Variants in FBXO11 observed in about 807,000 individuals in gnomAD.
FBXO11 encodes the protein F-box only protein 11.
FBXO11 carries 13 observed loss-of-function variants against 117.0 expected under a neutral mutation model. The ratio of observed to expected loss-of-function variants is 0.11; its 90% CI spans 0.07 to 0.18. The LOEUF is 0.18. Among genes scored for constraint, FBXO11 ranks in the 10% least tolerant of loss-of-function variants. FBXO11 has a pLI of 1.00. For synonymous variants in FBXO11, 490 were observed against 380.5 expected (o/e 1.29, Z -3.35); for missense variants, 767 against 1,164.4 (o/e 0.66, Z 4.97).
intron 17 of FBXO11, 45 bp from the exon 18 acceptor site, chr2:47,813,422 T>C (rs762141309): frequency 1.9e-6 from 2 of 1,056,944 alleles, no homozygotes; most frequent in Admixed American, 3.1e-5. Flanking sequence ...ATATTTCTTT[T>C]TAATTTTTTT....
intron 1 of FBXO11, among the ~76,000 whole-genome samples, chr2:47,872,908 C>T (rs960493641): frequency 6.6e-6 from 1 of 152,010 alleles, no homozygotes; most frequent in Non-Finnish European, 1.5e-5. Context: ...TTTAAAGGGA[C>T]ATTTAACATT....
intron 11 of FBXO11, among the ~76,000 whole-genome samples, chr2:47,825,596 T>TA (rs1290754665): frequency 3.4e-5 from 5 of 147,438 alleles, no homozygotes; most frequent in Admixed American, 6.8e-5. Context: ...TTTTTTTTTT[T>TA]AGAGACAGGC....
At chr2:47,836,898 C>A in intron 4 of FBXO11, 1 of 369,648 alleles carries the variant, frequency 2.7e-6, no homozygotes, top group Non-Finnish European at 5.2e-6. Flanking sequence ...ATCCTCTTGT[C>A]TTATTTTTTG....
At chr2:47,813,945 G>C in intron 16 of FBXO11, 78 bp from the exon 17 acceptor site, 1 of 1,084,226 alleles carries the variant, frequency 9.2e-7, no homozygotes, top group Non-Finnish European at 1.4e-6. Context: ...GTAAACAGTG[G>C]AGAAATCCAC....
At chr2:47,825,000 C>T (rs544044395) in intron 11 of FBXO11, among the ~76,000 whole-genome samples, 1 of 152,110 alleles carries the variant, frequency 6.6e-6, no homozygotes, top group South Asian at 2.1e-4. Context: ...CCATTTCTAC[C>T]CCACTGTAAG....
intron 1 of FBXO11, among the ~76,000 whole-genome samples, chr2:47,880,259 A>C (rs191029356): frequency 1.3e-5 from 2 of 152,310 alleles, no homozygotes; most frequent in African/African-American, 4.8e-5. Context: ...GGCCTCCCAG[A>C]GTGCCCTGAG....
intron 1 of FBXO11, among the ~76,000 whole-genome samples, chr2:47,874,197 G>A (rs146668359): frequency 2.6e-5 from 4 of 152,228 alleles, no homozygotes; most frequent in East Asian, 3.9e-4. Flanking sequence ...CCGGACGATA[G>A]TGCGAGACTG....
intron 1 of FBXO11, among the ~76,000 whole-genome samples, chr2:47,846,335 C>T (rs542814886): frequency 7.9e-5 from 12 of 152,230 alleles, no homozygotes; most frequent in Admixed American, 2.6e-4. Flanking sequence ...GGTTTGGTGG[C>T]GCATGCCTGT....
At chr2:47,834,916 A>G (rs1298371460) in intron 5 of FBXO11, 45 bp from the exon 6 acceptor site, 14 of 1,332,978 alleles carry the variant, frequency 1.1e-5, no homozygotes, top group Non-Finnish European at 1.5e-5. Flanking sequence ...ACTAACATAA[A>G]CCTTATATTT....
intron 1 of FBXO11, among the ~76,000 whole-genome samples, chr2:47,893,274 G>C (rs1018496646): frequency 6.6e-6 from 1 of 152,102 alleles, no homozygotes; most frequent in African/African-American, 2.4e-5. Flanking sequence ...ATACTCTGCT[G>C]GTCTTGCAAA....
intron 1 of FBXO11, among the ~76,000 whole-genome samples, chr2:47,843,325 T>TA (rs1673154512): frequency 6.6e-6 from 1 of 152,224 alleles, no homozygotes. Context: ...GTTGTTCAAA[T>TA]AGTCTCTATG....
intron 13 of FBXO11, 125 bp downstream of exon 13, chr2:47,822,093 A>C: frequency 1.4e-6 from 1 of 691,432 alleles, no homozygotes; most frequent in Non-Finnish European, 2.5e-6. Flanking sequence ...TTCTTTAAAA[A>C]AGAAAAAAAT....
chr2:47,810,707 G>A, intron 18 of FBXO11: 1 of 288,120 alleles, frequency 3.5e-6, no homozygotes, highest in Non-Finnish European at 6.4e-6. Flanking sequence ...TCAGAGCCAG[G>A]TGCATAGGTG....
intron 1 of FBXO11, among the ~76,000 whole-genome samples, chr2:47,843,891 C>T (rs1208172668): frequency 6.6e-6 from 1 of 152,088 alleles, no homozygotes; most frequent in South Asian, 2.1e-4. Context: ...CAGGCACGCG[C>T]CACTACGCCC....
chr2:47,839,424 A>G lies in FBXO11; in HGVS notation c.437T>C (p.Leu146Pro). The change falls in exon 3 of 23, where the codon CTA becomes CCA. Residue 146 changes from leucine to proline, a missense_variant. Around this residue, in one of 10 missense-constraint regions of FBXO11, gnomAD observed 355 missense variants for 299.8 expected, o/e 1.18. Coordinates refer to ENST00000403359, the MANE Select transcript of FBXO11 (RefSeq NM_001190274.2). ...TACTTTCCCACAGGAAATACCTGAT[A>G]GATCTTGTGATTTTCCAGACACTCT... The part of the protein sequence containing the change: ...RARVSGKSQD[L>P]SAAPAEQYLQ... 2 of 1,612,050 alleles carry G rather than the reference A, an allele frequency of 1.2e-6. No homozygotes were observed. The highest frequency in any genetic ancestry group is 2.7e-5 in the African/African-American group (2 of 74,972).
intron 1 of FBXO11, among the ~76,000 whole-genome samples, chr2:47,867,523 A>T (rs897398803): frequency 2.6e-5 from 4 of 152,216 alleles, no homozygotes; most frequent in Middle Eastern, 3.2e-3. Context: ...AATAATTACT[A>T]AGCAGTATAA....
intron 1 of FBXO11, among the ~76,000 whole-genome samples, chr2:47,891,512 CATCT>C (rs1484421168): frequency 6.6e-6 from 1 of 152,182 alleles, no homozygotes; most frequent in Non-Finnish European, 1.5e-5. Context: ...TTTATTTCTT[CATCT>C]GTCAATGGAC....
chr2:47,863,184 CATT>C (rs552797210), intron 1 of FBXO11, among the ~76,000 whole-genome samples: 69 of 151,266 alleles, frequency 4.6e-4, no homozygotes, highest in African/African-American at 1.4e-3. Context: ...AAAACCAAAA[CATT>C]GTTGTTAGGT....
chr2:47,842,072 G>C (rs1673053737), intron 1 of FBXO11, among the ~76,000 whole-genome samples: 1 of 151,482 alleles, frequency 6.6e-6, no homozygotes, highest in Non-Finnish European at 1.5e-5. Flanking sequence ...CTGGAGTGCA[G>C]TTGCGCGATC....
Sources: gnomAD v4.1 joint callset for allele counts (sites outside exome capture counted in the v4.1 genomes callset) on GRCh38, gnomAD v4.1.1 for gene constraint, gnomAD v4.1.1 regional missense constraint, MANE v1.5 for transcripts, NCBI Gene and HGNC (gene_info 2026-07-23, HGNC 2026-07-21) for gene names.